ANK3: variants seen among roughly 807,000 people sequenced by gnomAD.
ANK3 encodes ankyrin-3.
Under a neutral mutation model 370.9 loss-of-function variants are expected in ANK3, and 57 were observed. That is an observed-to-expected ratio of 0.15 (90% CI 0.12 to 0.19). ANK3 has a LOEUF of 0.19. Ranked by LOEUF, ANK3 falls within the 10% of genes least tolerant of loss-of-function variation. The pLI is 1.00. For synonymous variants in ANK3, 1,929 were observed against 1,946.3 expected, an observed-to-expected ratio of 0.99 and a Z score of 0.23; for missense variants, 4,439 against 5,302.1, an observed-to-expected ratio of 0.84 and a Z score of 5.06.
chr10:60,719,929 A>G (rs1438367944), intron 1 of ANK3, among the ~76,000 whole-genome samples: 1 of 152,316 alleles, frequency 6.6e-6, no homozygotes, highest in East Asian at 1.9e-4. Context: ...GCTGCTATCT[A>G]TCATAAGCAA....
At chr10:60,540,589 A>G (rs996929700) in intron 2 of ANK3, among the ~76,000 whole-genome samples, 1 of 151,964 alleles carries the variant, frequency 6.6e-6, no homozygotes, top group African/African-American at 2.4e-5. Flanking sequence ...AGCATGGTAC[A>G]GTGGGGAAGG....
chr10:60,218,199 G>A (rs2096977888), intron 8 of ANK3, among the ~76,000 whole-genome samples: 1 of 147,208 alleles, frequency 6.8e-6, no homozygotes, highest in Non-Finnish European at 1.5e-5. Flanking sequence ...TGGGCTTCCT[G>A]AATAGAGCAC....
intron 2 of ANK3, among the ~76,000 whole-genome samples, chr10:60,465,958 T>C (rs2065003530): frequency 1.3e-5 from 2 of 152,116 alleles, no homozygotes; most frequent in African/African-American, 2.4e-5. Context: ...TGAGCCTTTA[T>C]TTTATAGAGG....
intron 1 of ANK3, among the ~76,000 whole-genome samples, chr10:60,297,016 T>G (rs913652182): frequency 6.6e-6 from 1 of 152,138 alleles, no homozygotes; most frequent in African/African-American, 2.4e-5. Context: ...GTATGCAGTG[T>G]TCAAAATGTA....
chr10:60,190,385 C>T, intron 16 of ANK3, among the ~76,000 whole-genome samples: 1 of 144,402 alleles, frequency 6.9e-6, no homozygotes, highest in East Asian at 2.1e-4. Context: ...GGCAGATTGC[C>T]TACTCTGTAT....
intron 2 of ANK3, among the ~76,000 whole-genome samples, chr10:60,462,635 T>C (rs778498135): frequency 1.3e-5 from 2 of 151,984 alleles, no homozygotes; most frequent in East Asian, 1.9e-4. Context: ...TAGTTCTTTA[T>C]TGGATTTATA....
At chr10:60,709,273 G>C (rs967880752) in intron 1 of ANK3, among the ~76,000 whole-genome samples, 2 of 145,300 alleles carry the variant, frequency 1.4e-5, no homozygotes, top group Non-Finnish European at 3.0e-5. Context: ...AGAACCAATA[G>C]GATATATCTA....
intron 23 of ANK3, chr10:60,144,098 G>T: frequency 3.1e-6 from 1 of 318,318 alleles, no homozygotes; most frequent in Non-Finnish European, 6.1e-6. Context: ...CACCTCAGCT[G>T]CTGACTGCAA....
intron 1 of ANK3, among the ~76,000 whole-genome samples, chr10:60,373,864 C>A (rs1055455201): frequency 2.0e-5 from 3 of 152,116 alleles, no homozygotes; most frequent in Non-Finnish European, 4.4e-5. Context: ...CAGGTGCTTA[C>A]GCTAACCCCA....
At chr10:60,491,582 G>T (rs1439267600) in intron 2 of ANK3, among the ~76,000 whole-genome samples, 5 of 152,296 alleles carry the variant, frequency 3.3e-5, no homozygotes, top group African/African-American at 1.2e-4. Flanking sequence ...AATAAGAATT[G>T]CTCCAGCCTC....
intron 1 of ANK3, among the ~76,000 whole-genome samples, chr10:60,708,279 A>C (rs1286931406): frequency 6.6e-6 from 1 of 152,214 alleles, no homozygotes; most frequent in Non-Finnish European, 1.5e-5. Flanking sequence ...CCTACAGAGA[A>C]ATCCTCTCTT....
chr10:60,421,707 G>T (rs1403522005), intron 2 of ANK3, among the ~76,000 whole-genome samples: 1 of 152,034 alleles, frequency 6.6e-6, no homozygotes, highest in Non-Finnish European at 1.5e-5. Flanking sequence ...CCAAGGGTGT[G>T]TTAATCAGGC....
chr10:60,069,017 C>T lies in ANK3; in HGVS notation c.11864G>A (p.Arg3955Lys), dbSNP rs1419191324. 1 of 1,613,776 alleles carries T rather than the reference C, an allele frequency of 6.2e-7. No individual in the cohort carries two copies. ...GGTGGTGGTAGTGACACAGGTGGATCTTACCTTTACTGGCAACTTGGATGG... is the reference window on the plus strand; with the variant it reads ...GGTGGTGGTAGTGACACAGGTGGATTTTACCTTTACTGGCAACTTGGATGG... The part of the protein sequence containing the change: ...QLPSKLPVKV[R>K]STCVTTTTTT... The change falls in exon 37 of 44, where the codon AGA becomes AAA. Residue 3955 changes from arginine (R) to lysine (K), a missense_variant. This residue lies in a region of ANK3 where 496 missense variants were observed against 529.3 expected (regional missense o/e 0.94). Transcript: ENST00000280772.
chr10:60,611,027 T>A (rs1360842874), intron 2 of ANK3, among the ~76,000 whole-genome samples: 1 of 152,224 alleles, frequency 6.6e-6, no homozygotes, highest in African/African-American at 2.4e-5. Flanking sequence ...ACTAAAGTGA[T>A]CATTCATAAG....
chr10:60,278,973 C>A, intron 3 of ANK3, 77 bp downstream of exon 3: 1 of 1,551,994 alleles, frequency 6.4e-7, no homozygotes, highest in Middle Eastern at 1.7e-4. Flanking sequence ...GAGATATGTG[C>A]CCCCATTCTT....
At chr10:60,184,317 C>T (rs1169098920) in intron 17 of ANK3, among the ~76,000 whole-genome samples, 2 of 152,142 alleles carry the variant, frequency 1.3e-5, no homozygotes, top group Non-Finnish European at 2.9e-5. Flanking sequence ...GAGACAGTTC[C>T]TTATTGAATA....
chr10:60,108,192 T>C (rs1156951142), intron 27 of ANK3: 3 of 447,734 alleles, frequency 6.7e-6, no homozygotes, highest in Non-Finnish European at 1.3e-5. Flanking sequence ...TCCTACCCAA[T>C]AAATTTTGTT....
At chr10:60,301,295 CACAT>C (rs760653782) in intron 1 of ANK3, among the ~76,000 whole-genome samples, 10 of 149,002 alleles carry the variant, frequency 6.7e-5, no homozygotes, top group Non-Finnish European at 1.3e-4. Context: ...CATATACACA[CACAT>C]ACATATATAC....
chr10:60,489,044 G>C (rs1265506130), intron 2 of ANK3, among the ~76,000 whole-genome samples: 1 of 152,024 alleles, frequency 6.6e-6, no homozygotes, highest in East Asian at 1.9e-4. Context: ...CAAAATTATA[G>C]CACTTTTATT....
Sources: allele counts gnomAD v4.1 joint callset (sites outside exome capture counted in the v4.1 genomes callset), GRCh38; gene constraint gnomAD v4.1.1; regional missense constraint gnomAD v4.1.1; transcripts MANE v1.5; gene names NCBI Gene and HGNC (gene_info 2026-07-23, HGNC 2026-07-21).